Variants in SHTN1 observed in about 807,000 individuals in gnomAD.
SHTN1 encodes shootin-1.
Under a neutral mutation model 83.1 loss-of-function variants are expected in SHTN1, and 42 were observed. The observed-to-expected ratio is 0.51, with a 90% confidence interval of 0.39 to 0.65. The LOEUF (loss-of-function observed/expected upper bound fraction) is 0.65. Among genes scored for constraint, SHTN1 ranks in the 30% least tolerant of loss-of-function variants. The pLI is 0.00. For missense variants in SHTN1, 622 were observed against 737.8 expected, an observed-to-expected ratio of 0.84 and a Z score of 1.82; for synonymous variants, 224 against 247.7, an observed-to-expected ratio of 0.90 and a Z score of 0.90.
At chr10:116,993,323 A>G (rs1335127303) in intron 1 of SHTN1, among the ~76,000 whole-genome samples, 1 of 151,964 alleles carries the variant, frequency 6.6e-6, no homozygotes, top group Admixed American at 6.6e-5. Flanking sequence ...GCCTGTATAC[A>G]TGTTTTCATA....
At chr10:116,970,521 C>T (rs902237569) in intron 2 of SHTN1, among the ~76,000 whole-genome samples, 8 of 152,050 alleles carry the variant, frequency 5.3e-5, no homozygotes. Context: ...CGAGACCATC[C>T]TTGCCAACAT....
rs757692857 is a variant in SHTN1 at position 116,921,418 on chromosome 10, T to G, written c.1195+16A>C. On this transcript the variant is annotated intron_variant, in intron 12 of 16. Transcript: ENST00000355371. ...GTACACCATCAACCACTTACACCAA[T>G]AGAAGTGATGCTTACTTGTTTCTGG... 3 of 1,594,196 alleles carry G rather than the reference T, an allele frequency of 1.9e-6. No homozygotes were observed. The highest frequency in any genetic ancestry group is 4.5e-5 in the East Asian group (2 of 44,738).
In SHTN1 at chr10:116,940,602, T is replaced by G. The variant is rs773381739; in HGVS notation, c.722A>C (p.Glu241Ala). ...GCTTTGTCTCTTTAGCTTGTTTTGC[T>G]CAATGAACATCTGCAAAAGTTTGTT... Reference protein sequence around the residue: ...AESFAQEMFIEQNKLKRQSHL... With the variant: ...AESFAQEMFIAQNKLKRQSHL... The change falls in exon 9 of 17, where the codon GAG (glutamate) becomes GCG (alanine). Residue 241 changes from glutamate (E) to alanine (A), a missense_variant. Physicochemically the swap from Glu to Ala is moderately radical, Grantham distance 107. This residue lies in a region of SHTN1 where 383 missense variants were observed against 455.8 expected (regional missense o/e 0.84). Coordinates refer to ENST00000355371, the MANE Select transcript of SHTN1 (RefSeq NM_001127211.3). The G allele has an allele frequency of 8.1e-6, 13 of 1,603,838 alleles. No individual in the cohort carries two copies. In the South Asian group the frequency reaches 1.5e-4, roughly 18 times the overall value.
At chr10:117,094,296 T>G (rs537426030) in intron 1 of SHTN1, among the ~76,000 whole-genome samples, 165 of 152,322 alleles carry the variant, frequency 1.1e-3, no homozygotes, top group Non-Finnish European at 2.0e-3. Context: ...TGACACGCAA[T>G]ATACTTCAGC....
chr10:117,028,987 C>T (rs1852368158), intron 2 of SHTN1, among the ~76,000 whole-genome samples: 1 of 152,194 alleles, frequency 6.6e-6, no homozygotes, highest in Non-Finnish European at 1.5e-5. Flanking sequence ...AGCTTGCACA[C>T]TCAATCTGGA....
chr10:116,912,197 T>C (rs927604152), intron 13 of SHTN1, among the ~76,000 whole-genome samples: 1 of 152,228 alleles, frequency 6.6e-6, no homozygotes, highest in Non-Finnish European at 1.5e-5. Context: ...TAGGATAAAC[T>C]GTCCTCTACC....
At chr10:116,968,778 A>T in intron 2 of SHTN1, 66 bp from the exon 3 acceptor site, 1 of 1,254,724 alleles carries the variant, frequency 8.0e-7, no homozygotes, top group Non-Finnish European at 1.1e-6. Flanking sequence ...AAAGGCAAGC[A>T]AGAGCAAACT....
intron 9 of SHTN1, among the ~76,000 whole-genome samples, chr10:116,936,761 G>A (rs956126325): frequency 2.6e-5 from 4 of 152,090 alleles, no homozygotes; most frequent in Non-Finnish European, 4.4e-5. Flanking sequence ...TGACAGTGGG[G>A]TGTTAAAGTC....
At chr10:116,917,871 A>G (rs1381337754) in intron 12 of SHTN1, among the ~76,000 whole-genome samples, 12 of 152,202 alleles carry the variant, frequency 7.9e-5, no homozygotes, top group Admixed American at 7.8e-4. Context: ...GGTTTTAAGG[A>G]AAAGGAATCA....
chr10:117,045,756 G>A (rs1452428876), intron 2 of SHTN1, among the ~76,000 whole-genome samples: 1 of 152,112 alleles, frequency 6.6e-6, no homozygotes, highest in African/African-American at 2.4e-5. Flanking sequence ...AAAACATGCA[G>A]CTTAAAGAGA....
intron 11 of SHTN1, among the ~76,000 whole-genome samples, chr10:116,924,958 A>T (rs1243482693): frequency 2.0e-5 from 3 of 151,732 alleles, no homozygotes; most frequent in Non-Finnish European, 4.4e-5. Flanking sequence ...GGGTTTCACC[A>T]TGTTAGCCAG....
intron 1 of SHTN1, among the ~76,000 whole-genome samples, chr10:117,116,388 A>G (rs1316194765): frequency 6.6e-6 from 1 of 152,076 alleles, no homozygotes; most frequent in East Asian, 1.9e-4. Context: ...ACCTCAACAA[A>G]CCAGTAACAA....
chr10:117,082,753 G>A (rs993211249), intron 1 of SHTN1, among the ~76,000 whole-genome samples: 15 of 151,774 alleles, frequency 9.9e-5, no homozygotes, highest in Non-Finnish European at 1.8e-4. Context: ...AGGATAGTTA[G>A]CTCTTCTTGT....
chr10:116,897,925 TATTG>T (rs899522857), intron 16 of SHTN1, among the ~76,000 whole-genome samples: 9 of 152,206 alleles, frequency 5.9e-5, no homozygotes, highest in Non-Finnish European at 1.5e-5. Flanking sequence ...TACAGGCTTT[TATTG>T]ATTAAAATAC....
At chr10:117,031,306 G>A (rs1852410441) in intron 2 of SHTN1, among the ~76,000 whole-genome samples, 1 of 152,106 alleles carries the variant, frequency 6.6e-6, no homozygotes, top group Non-Finnish European at 1.5e-5. Context: ...ACAAACAAAA[G>A]CTGAGGGATT....
chr10:116,933,948 T>C (rs1251505226), intron 9 of SHTN1, among the ~76,000 whole-genome samples: 2 of 152,146 alleles, frequency 1.3e-5, no homozygotes, highest in Non-Finnish European at 2.9e-5. Flanking sequence ...ATATGTTTGT[T>C]GGCCACATAA....
intron 1 of SHTN1, among the ~76,000 whole-genome samples, chr10:117,055,847 G>A (rs763420449): frequency 9.2e-5 from 14 of 152,274 alleles, no homozygotes; most frequent in South Asian, 2.1e-4. Flanking sequence ...CAGCCTGAGC[G>A]ACAGAGCAAG....
chr10:116,921,959 A>G (rs528352645), intron 11 of SHTN1, among the ~76,000 whole-genome samples: 1 of 152,224 alleles, frequency 6.6e-6, no homozygotes, highest in Non-Finnish European at 1.5e-5. Flanking sequence ...CATGATGTAG[A>G]CTAAATACTT....
At chr10:117,114,596 C>T (rs970311886) in intron 1 of SHTN1, among the ~76,000 whole-genome samples, 1 of 152,142 alleles carries the variant, frequency 6.6e-6, no homozygotes, top group African/African-American at 2.4e-5. Context: ...GCCCAGGCAG[C>T]GTTTCCTCTA....
Sources: allele counts gnomAD v4.1 joint callset (sites outside exome capture counted in the v4.1 genomes callset), GRCh38; gene constraint gnomAD v4.1.1; regional missense constraint gnomAD v4.1.1; transcripts MANE v1.5; gene names NCBI Gene and HGNC (gene_info 2026-07-23, HGNC 2026-07-21).